OTOGL: variants seen among roughly 807,000 people sequenced by gnomAD.
OTOGL encodes otogelin like.
In OTOGL, 285 loss-of-function variants were observed where a neutral mutation model predicts 318.5. The observed-to-expected ratio is 0.89, with a 90% CI of 0.81 to 0.99. The LOEUF (loss-of-function observed/expected upper bound fraction) is 0.99, where lower values mean the gene tolerates loss of function less well. Ranked by LOEUF, OTOGL falls within the 50% of genes least tolerant of loss-of-function variation. The probability of loss-of-function intolerance (pLI) is 0.00; values close to 1 mark genes in which losing one functional copy is unlikely to be tolerated. For missense variants in OTOGL, 2,899 were observed against 2,845.6 expected (o/e 1.02, Z -0.43); for synonymous variants, 987 against 936.5 (o/e 1.05, Z -0.99).
chr12:80,343,520 T>G lies in OTOGL; in HGVS notation c.5265+1358T>G, dbSNP rs1258007952. 1.2e-4 allele frequency: 15 copies of G among 130,350 alleles called. 1 individual carries two copies. The highest frequency in any genetic ancestry group is 1.7e-4 in the Non-Finnish European group (11 of 63,554). The allele number at this position is 130,350 out of a possible 1,614,324, so 8.1% of individuals were successfully genotyped here. ...TATTTTTTATTCTTGTTTTTTTTTT[T>G]TTTTTTTTTTTTTTTTAACTTTCTT... On this transcript the variant is annotated intron_variant, in intron 44 of 58. Coordinates refer to ENST00000547103, the MANE Select transcript of OTOGL (RefSeq NM_001378609.3).
At chr12:80,142,876 C>A (rs1872047598) in intron 1 of OTOGL, among the ~76,000 whole-genome samples, 1 of 152,076 alleles carries the variant, frequency 6.6e-6, no homozygotes, top group Admixed American at 6.6e-5. Context: ...GCAGGGGTGG[C>A]AGAAGAGGGG....
chr12:80,137,642 A>G (rs1871661549), intron 1 of OTOGL, among the ~76,000 whole-genome samples: 4 of 152,234 alleles, frequency 2.6e-5, no homozygotes, highest in Admixed American at 2.6e-4. Context: ...GCAAATGGGA[A>G]GAAGTTAAAT....
intron 1 of OTOGL, among the ~76,000 whole-genome samples, chr12:80,115,216 C>T (rs1263955931): frequency 3.3e-5 from 5 of 151,952 alleles, no homozygotes; most frequent in African/African-American, 7.2e-5. Context: ...CTGGTTTTTC[C>T]TCATCTTCGT....
At chr12:80,319,550 T>C (rs1186412291) in intron 33 of OTOGL, among the ~76,000 whole-genome samples, 1 of 152,188 alleles carries the variant, frequency 6.6e-6, no homozygotes, top group Non-Finnish European at 1.5e-5. Context: ...TTTTTTCTCA[T>C]GTAAAAATTT....
intron 6 of OTOGL, among the ~76,000 whole-genome samples, chr12:80,220,172 T>C (rs530015773): frequency 7.0e-6 from 1 of 143,316 alleles, no homozygotes; most frequent in East Asian, 2.4e-4. Flanking sequence ...ATTATTATTA[T>C]TTTTTGAGAC....
intron 42 of OTOGL, among the ~76,000 whole-genome samples, chr12:80,337,426 AGT>A (rs1416401363): frequency 1.3e-5 from 2 of 152,136 alleles, no homozygotes; most frequent in South Asian, 2.1e-4. Context: ...GTGGGTTTGA[AGT>A]GTTGACATAA....
At chr12:80,204,133 AC>A (rs776294437) in intron 1 of OTOGL, among the ~76,000 whole-genome samples, 7 of 152,086 alleles carry the variant, frequency 4.6e-5, no homozygotes, top group African/African-American at 9.7e-5. Context: ...TAAAGGGGAA[AC>A]CTTTTTTGTG....
At chr12:80,365,785 G>A (rs1267180763) in intron 52 of OTOGL, among the ~76,000 whole-genome samples, 1 of 152,062 alleles carries the variant, frequency 6.6e-6, no homozygotes, top group Non-Finnish European at 1.5e-5. Flanking sequence ...TTATGTGAAT[G>A]TATTGGAATC....
At chr12:80,114,996 A>G (rs1592463386) in intron 1 of OTOGL, among the ~76,000 whole-genome samples, 1 of 151,786 alleles carries the variant, frequency 6.6e-6, no homozygotes, top group East Asian at 2.0e-4. Context: ...TAAAGTTAGT[A>G]ATTCCTCTAA....
chr12:80,223,004 AC>A (rs1878498702), intron 7 of OTOGL, among the ~76,000 whole-genome samples: 1 of 151,880 alleles, frequency 6.6e-6, no homozygotes, highest in Admixed American at 6.6e-5. Flanking sequence ...TGTACATTGT[AC>A]CCAATGTGTA....
intron 4 of OTOGL, among the ~76,000 whole-genome samples, chr12:80,216,679 C>G (rs921018648): frequency 8.5e-5 from 13 of 152,058 alleles, no homozygotes; most frequent in African/African-American, 3.1e-4. Context: ...ATTGTTGTTC[C>G]CCTTTTACAG....
intron 1 of OTOGL, among the ~76,000 whole-genome samples, chr12:80,188,350 C>G (rs1875442527): frequency 6.6e-6 from 1 of 151,750 alleles, no homozygotes; most frequent in Non-Finnish European, 1.5e-5. Context: ...CCAGCCTGAC[C>G]AACATGGTGA....
chr12:80,156,284 A>G (rs941807111), intron 1 of OTOGL, among the ~76,000 whole-genome samples: 3 of 152,110 alleles, frequency 2.0e-5, no homozygotes, highest in African/African-American at 4.8e-5. Flanking sequence ...CTGCCCTTGA[A>G]CATCAGACTC....
chr12:80,272,261 C>A (rs1215384018), intron 24 of OTOGL, among the ~76,000 whole-genome samples: 1 of 151,858 alleles, frequency 6.6e-6, no homozygotes, highest in African/African-American at 2.4e-5. Context: ...TCAGACACAC[C>A]ACTGCTCAAA....
Position 80,318,614 on chromosome 12 carries a change from AC to A in OTOGL, c.3705del (p.Ser1236AlafsTer21). ...QSGLVLGANM[T>X]SRSVFCLPRS... Reference sequence around the variant, plus strand: ...TGGCCTTGTTCTGGGGGCCAATATGACCAGCAGAAGCGTTTTCTGTTTGCCG... The same window carrying A: ...TGGCCTTGTTCTGGGGGCCAATATGACAGCAGAAGCGTTTTCTGTTTGCCG... On this transcript the variant is annotated frameshift_variant, in exon 33 of 59. Coordinates refer to ENST00000547103, the MANE Select transcript of OTOGL (RefSeq NM_001378609.3). LOFTEE classifies it high-confidence loss of function. The A allele has an allele frequency of 6.8e-7, 1 of 1,462,642 alleles. No individual in the cohort carries two copies. The highest frequency in any genetic ancestry group is 9.0e-7 in the Non-Finnish European group (1 of 1,108,004). 90.6% of individuals were successfully genotyped at this position (1,462,642 alleles called of 1,614,324 possible).
intron 1 of OTOGL, among the ~76,000 whole-genome samples, chr12:80,130,331 T>G (rs1451721600): frequency 6.6e-6 from 1 of 152,214 alleles, no homozygotes; most frequent in African/African-American, 2.4e-5. Context: ...GCATTTGTCT[T>G]GGATATAGAT....
At chr12:80,204,179 C>T (rs549842387) in intron 1 of OTOGL, among the ~76,000 whole-genome samples, 32 of 152,212 alleles carry the variant, frequency 2.1e-4, no homozygotes, top group Middle Eastern at 3.4e-3. Flanking sequence ...TCAATTCAAA[C>T]GAAGGGCATA....
At chr12:80,265,717 C>T (rs1271443517) in intron 20 of OTOGL, 1 of 161,008 alleles carries the variant, frequency 6.2e-6, no homozygotes, top group African/African-American at 2.4e-5. Flanking sequence ...TTTACCAGCA[C>T]CCCTCCAGAC....
chr12:80,161,944 AAAACAAAAGCTTTGCCAATGT>A (rs1873541938), intron 1 of OTOGL, among the ~76,000 whole-genome samples: 1 of 152,212 alleles, frequency 6.6e-6, no homozygotes, highest in Non-Finnish European at 1.5e-5. Context: ...AAAGCTCTTC[AAAACAAAAGCTTTGCCAATGT>A]TTGGATTTAA....
Sources: gnomAD v4.1 joint callset for allele counts (sites outside exome capture counted in the v4.1 genomes callset) on GRCh38, gnomAD v4.1.1 for gene constraint, MANE v1.5 for transcripts, NCBI Gene and HGNC (gene_info 2026-07-23, HGNC 2026-07-21) for gene names.